PTPRD: variants seen among roughly 807,000 people sequenced by gnomAD.
PTPRD encodes receptor-type tyrosine-protein phosphatase delta.
PTPRD carries 34 observed loss-of-function variants against 214.5 expected under a neutral mutation model. That is an observed-to-expected ratio of 0.16 (90% CI 0.12 to 0.21). The LOEUF is 0.21. Among genes scored for constraint, PTPRD ranks in the 10% least tolerant of loss-of-function variants. The probability of loss-of-function intolerance (pLI) is 1.00; values close to 1 mark genes in which losing one functional copy is unlikely to be tolerated. For synonymous variants in PTPRD, 1,128 were observed against 845.7 expected (o/e 1.33, Z -5.79); for missense variants, 2,545 against 2,398.7 (o/e 1.06, Z -1.27).
At chr9:9,321,746 G>T (rs1320821438) in intron 9 of PTPRD, among the ~76,000 whole-genome samples, 1 of 152,034 alleles carries the variant, frequency 6.6e-6, no homozygotes, top group Non-Finnish European at 1.5e-5. Flanking sequence ...TCTCTATCTT[G>T]ATTTCTACAT....
At chr9:10,525,280 T>C (rs1343851475) in intron 2 of PTPRD, among the ~76,000 whole-genome samples, 1 of 152,032 alleles carries the variant, frequency 6.6e-6, no homozygotes, top group Non-Finnish European at 1.5e-5. Flanking sequence ...ATTAGAAACA[T>C]GTAGATATAT....
intron 12 of PTPRD, among the ~76,000 whole-genome samples, chr9:8,695,239 C>A (rs912842496): frequency 3.9e-5 from 6 of 152,228 alleles, no homozygotes; most frequent in Middle Eastern, 6.8e-3. Flanking sequence ...TAAATAAACC[C>A]TTCTCAAAAA....
At chr9:9,353,995 C>T (rs148783959) in intron 9 of PTPRD, among the ~76,000 whole-genome samples, 60 of 151,680 alleles carry the variant, frequency 4.0e-4, no homozygotes, top group Middle Eastern at 3.4e-3. Context: ...CTTTCTTTCT[C>T]GATTTTGGCT....
chr9:10,016,981 C>T lies in PTPRD; in HGVS notation c.-472+16737G>A, dbSNP rs553772023. 9.9e-5 allele frequency among the ~76,000 whole-genome samples: 15 copies of T among 152,156 alleles called. No homozygotes were observed. The South Asian group carries it at 2.1e-3, about 21-fold the overall frequency. ...TGCCCTCCTATTGTACATTTGTAAG[C>T]ATTTCTTTAGGATAGTAATGAGAAG... On this transcript the variant is annotated intron_variant, in intron 4 of 45. Coordinates refer to ENST00000381196, the MANE Select transcript of PTPRD (RefSeq NM_002839.4).
chr9:10,067,644 A>T (rs1049137726), intron 3 of PTPRD, among the ~76,000 whole-genome samples: 19 of 151,912 alleles, frequency 1.3e-4, no homozygotes, highest in Admixed American at 1.1e-3. Context: ...GAAGGATTAC[A>T]GGCAAAGAAG....
At chr9:9,553,971 G>A (rs933941888) in intron 8 of PTPRD, among the ~76,000 whole-genome samples, 2 of 151,962 alleles carry the variant, frequency 1.3e-5, no homozygotes, top group African/African-American at 2.4e-5. Flanking sequence ...TACAGATTCT[G>A]GGTATTTTAA....
intron 12 of PTPRD, among the ~76,000 whole-genome samples, chr9:8,677,668 A>G (rs538864604): frequency 6.6e-6 from 1 of 152,288 alleles, no homozygotes; most frequent in Non-Finnish European, 1.5e-5. Context: ...ACTAAAATAA[A>G]AGTTTTAAAA....
chr9:8,787,590 C>G (rs1400226683), intron 11 of PTPRD, among the ~76,000 whole-genome samples: 1 of 151,976 alleles, frequency 6.6e-6, no homozygotes, highest in East Asian at 1.9e-4. Flanking sequence ...TCTCAATCCC[C>G]CTGGAAAGAT....
intron 8 of PTPRD, among the ~76,000 whole-genome samples, chr9:9,491,954 G>C (rs886381513): frequency 1.3e-5 from 2 of 151,874 alleles, no homozygotes; most frequent in Non-Finnish European, 2.9e-5. Context: ...GAAACCAAAA[G>C]GTGATTCTTT....
intron 2 of PTPRD, among the ~76,000 whole-genome samples, chr9:10,543,632 T>G (rs2059616816): frequency 6.6e-6 from 1 of 152,226 alleles, no homozygotes; most frequent in African/African-American, 2.4e-5. Context: ...GGCATCGTGC[T>G]TAAGCACAAG....
intron 44 of PTPRD, among the ~76,000 whole-genome samples, chr9:8,331,000 GCTATTTATTT>G (rs899371435): frequency 4.0e-5 from 6 of 150,322 alleles, no homozygotes; most frequent in Non-Finnish European, 7.4e-5. Flanking sequence ...CTATTTACTT[GCTATTTATTT>G]CTATTAACTT....
intron 11 of PTPRD, among the ~76,000 whole-genome samples, chr9:8,827,438 C>G (rs541298110): frequency 6.6e-6 from 1 of 152,224 alleles, no homozygotes; most frequent in Non-Finnish European, 1.5e-5. Flanking sequence ...GAAACCCCAT[C>G]TCTACTAAAA....
In PTPRD at chr9:8,622,741, TCTC is replaced by T. The variant is rs561955921; in HGVS notation, c.352+10573_352+10575del. On this transcript the variant is annotated intron_variant, in intron 14 of 45. Coordinates refer to ENST00000381196, the MANE Select transcript of PTPRD (RefSeq NM_002839.4). ...GCCTATCCGAGATGTGGAAGCAACATCTCCTGACATTTCTAATTTTTAAAAATA... is the reference window on the plus strand; with the variant it reads ...GCCTATCCGAGATGTGGAAGCAACATCTGACATTTCTAATTTTTAAAAATA... Among the ~76,000 whole-genome samples the T allele has an allele frequency of 3.7e-3, 560 of 152,042 alleles. 3 individuals carry two copies. Among genetic ancestry groups the T allele is most frequent in the African/African-American group, 0.013 (538 of 41,532 alleles).
chr9:10,485,655 G>T (rs2099127896), intron 2 of PTPRD, among the ~76,000 whole-genome samples: 1 of 151,860 alleles, frequency 6.6e-6, no homozygotes, highest in Admixed American at 6.6e-5. Context: ...TTCTTTTTCA[G>T]ATTGTTCCCT....
chr9:8,652,678 G>T (rs1388736095), intron 12 of PTPRD, among the ~76,000 whole-genome samples: 2 of 152,116 alleles, frequency 1.3e-5, no homozygotes, highest in African/African-American at 4.8e-5. Flanking sequence ...TGGCCTTTTT[G>T]CACCACTCTA....
intron 3 of PTPRD, among the ~76,000 whole-genome samples, chr9:10,202,819 T>G (rs1400339911): frequency 6.6e-6 from 1 of 151,578 alleles, no homozygotes; most frequent in African/African-American, 2.4e-5. Flanking sequence ...TCCATCCTCC[T>G]CGCTGCTCTC....
chr9:8,767,468 C>A (rs2094846460), intron 11 of PTPRD, among the ~76,000 whole-genome samples: 1 of 152,096 alleles, frequency 6.6e-6, no homozygotes, highest in Non-Finnish European at 1.5e-5. Context: ...ACTCAAAGAT[C>A]ATTTATATAG....
intron 3 of PTPRD, among the ~76,000 whole-genome samples, chr9:10,273,636 T>C (rs930212984): frequency 1.3e-5 from 2 of 152,084 alleles, no homozygotes; most frequent in African/African-American, 2.4e-5. Context: ...AGTACAGAAA[T>C]TGATAGAAAT....
At chr9:10,483,611 G>C (rs956471994) in intron 2 of PTPRD, among the ~76,000 whole-genome samples, 4 of 151,872 alleles carry the variant, frequency 2.6e-5, no homozygotes, top group African/African-American at 9.7e-5. Context: ...AGTGGGCAAA[G>C]AACATGAATA....
Sources: gnomAD v4.1 joint callset for allele counts (sites outside exome capture counted in the v4.1 genomes callset) on GRCh38, gnomAD v4.1.1 for gene constraint, MANE v1.5 for transcripts, NCBI Gene and HGNC (gene_info 2026-07-23, HGNC 2026-07-21) for gene names.